AFF3: variants seen among roughly 807,000 people sequenced by gnomAD.
The protein encoded by AFF3 is ALF transcription elongation factor 3.
Under a neutral mutation model 129.7 loss-of-function variants are expected in AFF3, and 32 were observed. That is an observed-to-expected ratio of 0.25 (90% CI 0.19 to 0.33). The LOEUF is 0.33. Ranked by LOEUF, AFF3 falls within the 10% of genes least tolerant of loss-of-function variation. The pLI is 1.00. For synonymous variants in AFF3, 644 were observed against 635.4 expected, an observed-to-expected ratio of 1.01 and a Z score of -0.20; for missense variants, 1,373 against 1,592.0, an observed-to-expected ratio of 0.86 and a Z score of 2.34.
At position 99,551,440 on chromosome 2, in the gene AFF3, G is replaced by T. The variant is rs754186897; in HGVS notation, c.*34C>A. ...CCAAAAACGTTGAGCCATCTGTGGA[G>T]ACCAGAGCCCACTCTGGCCCCAGGG... On this transcript the variant is annotated 3_prime_UTR_variant, in exon 25 of 25. Transcript: ENST00000672756. 1 of 1,613,022 alleles carries T rather than the reference G, an allele frequency of 6.2e-7. No individual in the cohort carries two copies. Among genetic ancestry groups the T allele is most frequent in the Non-Finnish European group, 8.5e-7 (1 of 1,179,796 alleles).
At chr2:100,055,488 A>G (rs2105179566) in intron 4 of AFF3, among the ~76,000 whole-genome samples, 1 of 151,882 alleles carries the variant, frequency 6.6e-6, no homozygotes, top group African/African-American at 2.4e-5. Context: ...AGAAAAGAAA[A>G]GAAAAGAAAG....
intron 11 of AFF3, chr2:99,707,689 G>T: frequency 1.0e-6 from 1 of 970,420 alleles, no homozygotes; most frequent in Non-Finnish European, 1.2e-6. Flanking sequence ...GATGTTAATA[G>T]GATGCCTGCC....
intron 13 of AFF3, among the ~76,000 whole-genome samples, chr2:99,610,761 G>A (rs1255421968): frequency 6.6e-6 from 1 of 152,022 alleles, no homozygotes; most frequent in Non-Finnish European, 1.5e-5. Flanking sequence ...GTCTGGGTGG[G>A]GATTTCTTTG....
chr2:99,572,149 G>T (rs1183419118), intron 18 of AFF3, among the ~76,000 whole-genome samples: 1 of 152,056 alleles, frequency 6.6e-6, no homozygotes, highest in Admixed American at 6.6e-5. Flanking sequence ...GTGAATCATG[G>T]GCTCTTCAGA....
intron 7 of AFF3, among the ~76,000 whole-genome samples, chr2:99,928,023 C>T (rs944179905): frequency 1.3e-5 from 2 of 152,098 alleles, no homozygotes. Flanking sequence ...CAAGCTCTCT[C>T]TCTGCCTGCT....
rs34843347 is a variant in AFF3, at chr2:99,563,810, C to CAAAA, written c.3119+1673_3119+1676dup. On this transcript the variant is annotated intron_variant, in intron 20 of 24. Coordinates refer to ENST00000672756, the MANE Select transcript of AFF3 (RefSeq NM_001386135.1). ...GGGCAGTAAGAGTGAAATTTAGTCT[C>CAAAA]AAAAAAAAAAAAAAAAAAAAAAAGA... is the stretch of plus-strand genomic sequence containing the variant. Among the ~76,000 whole-genome samples, 102 of 75,464 alleles carry CAAAA rather than the reference C, an allele frequency of 1.4e-3. 1 individual carries two copies. The highest frequency in any genetic ancestry group is 1.5e-3 in the Admixed American group (9 of 5,968). The allele number at this position is 75,464 out of a possible 152,430, so 49.5% of individuals were successfully genotyped here.
At chr2:99,576,330 C>T (rs1055261107) in intron 18 of AFF3, among the ~76,000 whole-genome samples, 2 of 147,182 alleles carry the variant, frequency 1.4e-5, no homozygotes, top group Non-Finnish European at 3.0e-5. Flanking sequence ...TGCGCCCAGC[C>T]GTGAGACGCT....
intron 7 of AFF3, among the ~76,000 whole-genome samples, chr2:99,874,868 T>C (rs1395911732): frequency 6.6e-6 from 1 of 152,142 alleles, no homozygotes; most frequent in Non-Finnish European, 1.5e-5. Context: ...AGGGGCATGA[T>C]GTCTGCAAGT....
At chr2:99,628,553 CTTTTT>C (rs566672694) in intron 13 of AFF3, among the ~76,000 whole-genome samples, 1 of 145,858 alleles carries the variant, frequency 6.9e-6, no homozygotes, top group African/African-American at 2.5e-5. Context: ...CCCTTTCTTT[CTTTTT>C]TTTTTTCTTT....
intron 13 of AFF3, among the ~76,000 whole-genome samples, chr2:99,648,490 AAAAGCAATTCC>A (rs1684892307): frequency 6.6e-6 from 1 of 152,240 alleles, no homozygotes; most frequent in Non-Finnish European, 1.5e-5. Context: ...TGAAAATCCC[AAAAGCAATTCC>A]AGAAGATCAT....
chr2:99,616,949 T>A (rs572253376), intron 13 of AFF3, among the ~76,000 whole-genome samples: 1 of 152,228 alleles, frequency 6.6e-6, no homozygotes, highest in Admixed American at 6.5e-5. Flanking sequence ...CTTAGTGTAA[T>A]GTTTTCAAGG....
At chr2:99,674,483 G>A in intron 11 of AFF3, among the ~76,000 whole-genome samples, 1 of 152,090 alleles carries the variant, frequency 6.6e-6, no homozygotes, top group African/African-American at 2.4e-5. Context: ...TCTTCCTAAT[G>A]AAAAAGACCA....
At chr2:99,816,601 G>A (rs1472064422) in intron 8 of AFF3, among the ~76,000 whole-genome samples, 1 of 152,106 alleles carries the variant, frequency 6.6e-6, no homozygotes, top group African/African-American at 2.4e-5. Context: ...TTGGCTTTGG[G>A]TCTCCCTTTG....
chr2:99,819,996 C>A (rs1421574432), intron 8 of AFF3, among the ~76,000 whole-genome samples: 5 of 152,126 alleles, frequency 3.3e-5, no homozygotes, highest in Non-Finnish European at 7.4e-5. Context: ...ACAGCACAGG[C>A]GGATGCAAAA....
chr2:100,048,592 A>G (rs1441908379), intron 4 of AFF3, among the ~76,000 whole-genome samples: 1 of 152,216 alleles, frequency 6.6e-6, no homozygotes, highest in Non-Finnish European at 1.5e-5. Flanking sequence ...AGATTCTTTC[A>G]GTGTTTCGTA....
chr2:100,103,311 G>A (rs572735216), intron 4 of AFF3, among the ~76,000 whole-genome samples: 2 of 150,650 alleles, frequency 1.3e-5, no homozygotes, highest in South Asian at 2.1e-4. Flanking sequence ...ACTCTTTACT[G>A]AATTAAAGCA....
At chr2:99,752,648 C>T (rs777942709) in intron 8 of AFF3, among the ~76,000 whole-genome samples, 8 of 152,142 alleles carry the variant, frequency 5.3e-5, no homozygotes, top group Non-Finnish European at 7.3e-5. Flanking sequence ...CTTGATCCCA[C>T]AGAATTCACA....
At chr2:99,983,761 T>A (rs1364868040) in intron 7 of AFF3, among the ~76,000 whole-genome samples, 2 of 152,182 alleles carry the variant, frequency 1.3e-5, no homozygotes, top group Admixed American at 1.3e-4. Context: ...CTGAGTTTAA[T>A]CAAAAGAAGA....
rs182765044 is a variant in AFF3, at chr2:99,851,175, C to G, written c.874-13651G>C. Among the ~76,000 whole-genome samples the G allele has an allele frequency of 1.8e-3, 272 of 152,302 alleles. 1 individual carries two copies. The highest frequency in any genetic ancestry group is 6.4e-3 in the African/African-American group (264 of 41,562). On this transcript the variant is annotated intron_variant, in intron 7 of 24. Coordinates refer to ENST00000672756, the MANE Select transcript of AFF3 (RefSeq NM_001386135.1). ...TAGGCAGCATTTATTAGACATTTAA[C>G]CCTATCAGGCAGAGCCTTGCCTTAG...
Sources: allele counts gnomAD v4.1 joint callset (sites outside exome capture counted in the v4.1 genomes callset), GRCh38; gene constraint gnomAD v4.1.1; transcripts MANE v1.5; gene names NCBI Gene and HGNC (gene_info 2026-07-23, HGNC 2026-07-21).